Variants in SPTY2D1 observed in about 807,000 individuals in gnomAD.
SPTY2D1 encodes the protein SPT2 chromatin protein domain containing 1, also known as protein SPT2 homolog.
A neutral mutation model predicts 64.0 loss-of-function variants in SPTY2D1; 21 were observed. The ratio of observed to expected loss-of-function variants is 0.33; its 90% CI spans 0.23 to 0.47. The LOEUF is 0.47. Ranked by LOEUF, SPTY2D1 falls within the 20% of genes least tolerant of loss-of-function variation. The probability of loss-of-function intolerance (pLI) is 1.00; values close to 1 mark genes in which losing one functional copy is unlikely to be tolerated. For synonymous variants in SPTY2D1, 287 were observed against 286.8 expected, an observed-to-expected ratio of 1.00 and a Z score of -0.01; for missense variants, 724 against 837.2, an observed-to-expected ratio of 0.86 and a Z score of 1.67.
At chr11:18,611,014 G>A (rs76924634) in intron 5 of SPTY2D1, among the ~76,000 whole-genome samples, 1 of 152,160 alleles carries the variant, frequency 6.6e-6, no homozygotes, top group African/African-American at 2.4e-5. Context: ...AAGAAAATAG[G>A]CTGGGCATGG....
At chr11:18,623,890 T>C (rs562079069) in intron 1 of SPTY2D1, among the ~76,000 whole-genome samples, 17 of 152,384 alleles carry the variant, frequency 1.1e-4, no homozygotes, top group African/African-American at 4.1e-4. Context: ...TCCTTCCTTT[T>C]TGTGGCTGAA....
At chr11:18,617,358 G>A (rs1043314167) in intron 1 of SPTY2D1, among the ~76,000 whole-genome samples, 2 of 152,136 alleles carry the variant, frequency 1.3e-5, no homozygotes, top group African/African-American at 4.8e-5. Context: ...TGGGCTCAGG[G>A]TCTCATGCCT....
At chr11:18,634,134 G>C in intron 1 of SPTY2D1, 64 bp downstream of exon 1, 1 of 1,583,316 alleles carries the variant, frequency 6.3e-7, no homozygotes, top group Non-Finnish European at 8.7e-7. Context: ...AGTTCCATGG[G>C]CCACACACAT....
chr11:18,633,292 G>A (rs1054879322), intron 1 of SPTY2D1, among the ~76,000 whole-genome samples: 1 of 152,168 alleles, frequency 6.6e-6, no homozygotes, highest in African/African-American at 2.4e-5. Flanking sequence ...AATTCTAGCT[G>A]AATTGACTTT....
rs1854165278 is a variant in SPTY2D1, at chr11:18,609,710, CTCAAATGACAGCCT to C, written c.*137_*150del. ...GGAAAATATCTGAAAATATTTTATG[CTCAAATGACAGCCT>C]GCAAATGACAGTATGCATTCCTTCT... On this transcript the variant is annotated 3_prime_UTR_variant, in exon 6 of 6. Transcript: ENST00000336349. 2 of 654,030 alleles carry C rather than the reference CTCAAATGACAGCCT, an allele frequency of 3.1e-6. No homozygotes were observed. The highest frequency in any genetic ancestry group is 5.3e-6 in the Non-Finnish European group (2 of 379,234). 40.5% of individuals were successfully genotyped at this position (654,030 alleles called of 1,614,324 possible). A position where few individuals can be genotyped will look rare whatever the true frequency, so the allele number is the denominator to read the frequency against.
intron 5 of SPTY2D1, among the ~76,000 whole-genome samples, chr11:18,610,802 G>A (rs552942608): frequency 6.6e-6 from 1 of 152,002 alleles, no homozygotes; most frequent in African/African-American, 2.4e-5. Flanking sequence ...CTACATCCCT[G>A]AGGCCAGCAA....
chr11:18,617,798 C>T (rs1181397778), intron 1 of SPTY2D1, among the ~76,000 whole-genome samples: 1 of 150,596 alleles, frequency 6.6e-6, no homozygotes, highest in Non-Finnish European at 1.5e-5. Context: ...AAAAATTAGC[C>T]GGGCATGGTG....
Position 18,615,135 on chromosome 11 carries a change from C to T in SPTY2D1, c.1139G>A (p.Gly380Glu), listed in dbSNP as rs1565158990. The T allele has an allele frequency of 6.2e-7, 1 of 1,614,190 alleles. No homozygotes were observed. The highest frequency in any genetic ancestry group is 8.5e-7 in the Non-Finnish European group (1 of 1,180,036). The change falls in exon 3 of 6, where the codon GGG becomes GAG. Residue 380 changes from glycine to glutamate, a missense_variant. Gly to Glu is a moderately conservative substitution (Grantham distance 98). Around this residue, in one of 3 missense-constraint regions of SPTY2D1, gnomAD observed 426 missense variants for 431.8 expected, o/e 0.99. Coordinates refer to ENST00000336349, the MANE Select transcript of SPTY2D1 (RefSeq NM_194285.3). ...QPGSSSSSAP[G>E]QPSTGVARPT... ...TCGAGCAACCCCTGTGCTGGGCTGC[C>T]CAGGGGCTGAGCTAGAGCTGCTGCC...
chr11:18,607,590 C>G lies in SPTY2D1; in HGVS notation c.*2271G>C, dbSNP rs1040960976. The G allele has an allele frequency of 6.6e-6, 1 of 152,566 alleles. No individual in the cohort carries two copies. The highest frequency in any genetic ancestry group is 2.4e-5 in the African/African-American group (1 of 41,420). The allele number at this position is 152,566 out of a possible 1,614,324, so 9.5% of individuals were successfully genotyped here. On this transcript the variant is annotated 3_prime_UTR_variant, in exon 6 of 6. Transcript: ENST00000336349. ...TAATTTGTAAACCTTAATGAAATAA[C>G]AGCCTACTCCAGTTTCTTCAAAGGT...
chr11:18,627,652 G>T (rs1854520037), intron 1 of SPTY2D1, among the ~76,000 whole-genome samples: 2 of 152,166 alleles, frequency 1.3e-5, no homozygotes, highest in African/African-American at 4.8e-5. Context: ...GCCGAGGGGG[G>T]TGGATCATGA....
intron 1 of SPTY2D1, among the ~76,000 whole-genome samples, chr11:18,630,585 G>T (rs1854572350): frequency 1.3e-5 from 2 of 152,290 alleles, no homozygotes; most frequent in East Asian, 1.9e-4. Context: ...CATAGTAAAG[G>T]TCTGACCCAA....
At position 18,612,286 on chromosome 11, in the gene SPTY2D1, T is replaced by C. The variant is rs1289147824; in HGVS notation, c.1886+28A>G. The stretch of plus-strand genomic sequence containing the variant: ...TATTCAAAATAAAAAAAGGATGTCA[T>C]AGTTATCTGAATCTTCTTTAGTCTT... On this transcript the variant is annotated intron_variant, in intron 4 of 5. Transcript: ENST00000336349. This position sits in a 1 kb window ranked among gnomAD's most constrained non-coding sequence, Gnocchi z 4.6. The C allele has an allele frequency of 1.3e-6, 2 of 1,549,940 alleles. No homozygotes were observed. Among genetic ancestry groups the C allele is most frequent in the African/African-American group, 2.8e-5 (2 of 71,192 alleles).
Position 18,615,730 on chromosome 11 carries a change from C to G in SPTY2D1, c.544G>C (p.Glu182Gln). 1.2e-6 allele frequency: 2 copies of G among 1,613,862 alleles called. No homozygotes were observed. The highest frequency in any genetic ancestry group is 2.7e-5 in the African/African-American group (2 of 74,988). Residue 182 changes from glutamate to glutamine, a missense_variant, in exon 3 of 6, where the codon GAA becomes CAA. By Grantham distance (29) the Glu-to-Gln change is conservative. Transcript: ENST00000336349. ...TTCACTACCTTGATTTCCACTGGTT[C>G]AAACTGCTTTTTCTCAGCCAGCCTG... ...LLRLAEKKQF[E>Q]PVEIKVVKKS...
intron 1 of SPTY2D1, among the ~76,000 whole-genome samples, chr11:18,626,883 AG>A (rs1854507283): frequency 6.6e-6 from 1 of 152,120 alleles, no homozygotes; most frequent in South Asian, 2.1e-4. Flanking sequence ...CTAAAACACT[AG>A]TTGAGAGGTA....
At chr11:18,611,936 G>A (rs1166887201) in intron 4 of SPTY2D1, among the ~76,000 whole-genome samples, 3 of 152,076 alleles carry the variant, frequency 2.0e-5, no homozygotes, top group Non-Finnish European at 4.4e-5. Context: ...ATCATGAGGT[G>A]GGGAAAGACT....
chr11:18,627,138 CAT>C, intron 1 of SPTY2D1, among the ~76,000 whole-genome samples: 1 of 151,640 alleles, frequency 6.6e-6, no homozygotes, highest in African/African-American at 2.4e-5. Context: ...CTTGGCCAGG[CAT>C]GGTGGCTCAT....
chr11:18,609,561 T>G lies in SPTY2D1; in HGVS notation c.*300A>C, dbSNP rs1021934999. 6.5e-6 allele frequency: 2 copies of G among 309,680 alleles called. No individual in the cohort carries two copies. The highest frequency in any genetic ancestry group is 4.3e-5 in the African/African-American group (2 of 46,376). The allele number at this position is 309,680 out of a possible 1,614,324, so 19.2% of individuals were successfully genotyped here. On this transcript the variant is annotated 3_prime_UTR_variant, in exon 6 of 6. Transcript: ENST00000336349. ...AGCAAAGGAACAATAAAAGATTGGC[T>G]GACTGGTGAGTGGCCCCACATTAGA...
chr11:18,624,483 T>C (rs778382387), intron 1 of SPTY2D1, among the ~76,000 whole-genome samples: 4 of 152,222 alleles, frequency 2.6e-5, no homozygotes, highest in Non-Finnish European at 4.4e-5. Context: ...TACACCCCAA[T>C]GAATGATCCA....
chr11:18,631,129 G>A (rs1179083497), intron 1 of SPTY2D1, among the ~76,000 whole-genome samples: 1 of 152,202 alleles, frequency 6.6e-6, no homozygotes, highest in Non-Finnish European at 1.5e-5. Flanking sequence ...GTGAGCCACA[G>A]CACCCAGCCA....
Sources: allele counts gnomAD v4.1 joint callset (sites outside exome capture counted in the v4.1 genomes callset), GRCh38; gene constraint gnomAD v4.1.1; regional missense constraint gnomAD v4.1.1; non-coding constraint Gnocchi (gnomAD v3.1); transcripts MANE v1.5; gene names NCBI Gene and HGNC (gene_info 2026-07-23, HGNC 2026-07-21).